Variants in RPS6KA2 observed in about 807,000 individuals in gnomAD.
RPS6KA2 encodes ribosomal protein S6 kinase A2.
In RPS6KA2, 42 loss-of-function variants were observed where a neutral mutation model predicts 91.8. The observed-to-expected ratio is 0.46, with a 90% confidence interval of 0.36 to 0.59. The LOEUF is 0.59. Among genes scored for constraint, RPS6KA2 ranks in the 20% least tolerant of loss-of-function variants. The pLI is 0.00. For synonymous variants in RPS6KA2, 414 were observed against 393.6 expected (o/e 1.05, Z -0.61); for missense variants, 798 against 978.5 (o/e 0.82, Z 2.46).
At chr6:166,641,038 T>C (rs574441937) in intron 2 of RPS6KA2, among the ~76,000 whole-genome samples, 9 of 152,296 alleles carry the variant, frequency 5.9e-5, no homozygotes, top group East Asian at 3.9e-4. Flanking sequence ...TCCAAACTTA[T>C]AGTTTTTAGA....
intron 2 of RPS6KA2, among the ~76,000 whole-genome samples, chr6:166,853,861 T>A (rs576709983): frequency 6.6e-6 from 1 of 152,188 alleles, no homozygotes; most frequent in Non-Finnish European, 1.5e-5. Context: ...TTTGCCTCAG[T>A]ACACATGGCC....
At chr6:166,846,561 A>G (rs1780610495) in intron 2 of RPS6KA2, among the ~76,000 whole-genome samples, 2 of 152,248 alleles carry the variant, frequency 1.3e-5, no homozygotes, top group African/African-American at 4.8e-5. Flanking sequence ...TAACATCCAC[A>G]AGTCAATAAA....
At chr6:166,619,101 T>C (rs1018154031) in intron 1 of RPS6KA2, among the ~76,000 whole-genome samples, 1 of 152,222 alleles carries the variant, frequency 6.6e-6, no homozygotes, top group African/African-American at 2.4e-5. Flanking sequence ...ATCGATGCCA[T>C]CAGCAAAGTT....
intron 2 of RPS6KA2, among the ~76,000 whole-genome samples, chr6:166,848,501 A>G (rs1390377499): frequency 6.6e-6 from 1 of 152,158 alleles, no homozygotes; most frequent in Non-Finnish European, 1.5e-5. Flanking sequence ...ATGTGGAACC[A>G]CCCCAAATGC....
At position 166,774,813 on chromosome 6, in the gene RPS6KA2, C is replaced by T. The variant is rs114026122; in HGVS notation, c.123+83387G>A. 4.0e-3 allele frequency among the ~76,000 whole-genome samples: 607 copies of T among 151,560 alleles called. 5 individuals are homozygous for T. The highest frequency in any genetic ancestry group is 0.014 in the African/African-American group (587 of 40,888). On this transcript the variant is annotated intron_variant, in intron 2 of 21. Transcript: ENST00000503859. ...CCCAGATTACAGCAGCATAAAGGAC[C>T]CCAAAACATCTCGCCCTTCTTTGAG...
In RPS6KA2 at chr6:166,639,380, T is replaced by C. The variant is rs140107032; in HGVS notation, c.124-100596A>G. ...GCCTTCTTTCCAACCCTGCCCTCCATAACACAGCGTGGGTCCTCCTTAGCT... is the reference window on the plus strand; with the variant it reads ...GCCTTCTTTCCAACCCTGCCCTCCACAACACAGCGTGGGTCCTCCTTAGCT... On this transcript the variant is annotated intron_variant, in intron 2 of 21. Coordinates refer to the RPS6KA2 transcript ENST00000503859. The surrounding 1 kb of genome is among the most constrained non-coding windows in gnomAD (Gnocchi z 4.2). 1.4e-3 allele frequency among the ~76,000 whole-genome samples: 207 copies of C among 152,272 alleles called. No homozygotes were observed. The highest frequency in any genetic ancestry group is 6.8e-3 in the Middle Eastern group (2 of 294).
intron 11 of RPS6KA2, among the ~76,000 whole-genome samples, chr6:166,462,429 G>A (rs1272540269): frequency 6.6e-6 from 1 of 152,182 alleles, no homozygotes; most frequent in Admixed American, 6.5e-5. Flanking sequence ...TCCAGAGGCT[G>A]TCACCTTCCT....
intron 10 of RPS6KA2, among the ~76,000 whole-genome samples, chr6:166,478,450 G>T (rs1309721667): frequency 6.6e-6 from 1 of 152,180 alleles, no homozygotes; most frequent in Non-Finnish European, 1.5e-5. Flanking sequence ...TCTTGCCAGG[G>T]TGGATTTCCC....
intron 2 of RPS6KA2, chr6:166,701,843 G>T: frequency 1.1e-6 from 1 of 896,272 alleles, no homozygotes; most frequent in Non-Finnish European, 1.8e-6. Context: ...ATTGCCTTTA[G>T]CTGTAATGGT....
At chr6:166,804,720 TACTC>T (rs1191588023) in intron 2 of RPS6KA2, among the ~76,000 whole-genome samples, 8 of 152,162 alleles carry the variant, frequency 5.3e-5, no homozygotes, top group Non-Finnish European at 8.8e-5. Context: ...ATATATTAAA[TACTC>T]AGTGCATTCA....
At chr6:166,451,960 C>T (rs1467885572) in intron 12 of RPS6KA2, among the ~76,000 whole-genome samples, 1 of 152,176 alleles carries the variant, frequency 6.6e-6, no homozygotes, top group Non-Finnish European at 1.5e-5. Flanking sequence ...AGAGGTTAAA[C>T]TCTCTATTGC....
At position 166,492,890 on chromosome 6, in the gene RPS6KA2, ATTTTTTTTT is replaced by A. The variant is rs71032807; in HGVS notation, c.748-2158_748-2150del. On this transcript the variant is annotated intron_variant, in intron 8 of 20. Transcript: ENST00000265678. Reference sequence around the variant, plus strand: ...GCCACCATGCCTGGCTAATTTTTGTATTTTTTTTTTTTTTTTTTTTTAGTAGAGACAGGG... The same window carrying A: ...GCCACCATGCCTGGCTAATTTTTGTATTTTTTTTTTTTAGTAGAGACAGGG... 8.7e-5 allele frequency among the ~76,000 whole-genome samples: 9 copies of A among 103,556 alleles called. No homozygotes were observed. The South Asian group carries it at 2.8e-3, about 32-fold the overall frequency. 67.9% of individuals were successfully genotyped at this position (103,556 alleles called of 152,430 possible).
chr6:166,641,719 C>CAAAAAAAAAAAAAAAAAAA lies in RPS6KA2; in HGVS notation c.124-102954_124-102936dup, dbSNP rs71032871. Among the ~76,000 whole-genome samples the CAAAAAAAAAAAAAAAAAAA allele has an allele frequency of 2.8e-4, 8 of 28,544 alleles. 1 individual carries two copies. Among genetic ancestry groups the CAAAAAAAAAAAAAAAAAAA allele is most frequent in the Non-Finnish European group, 3.9e-4 (5 of 12,972 alleles). The allele number at this position is 28,544 out of a possible 152,430, so 18.7% of individuals were successfully genotyped here. ...TGGGTAAAAGAGTGAGACTCTGTCACAAAAAAAAAAAAAAAAAAAAAAAAA... is the reference window on the plus strand; with the variant it reads ...TGGGTAAAAGAGTGAGACTCTGTCACAAAAAAAAAAAAAAAAAAAAAAAAAAAAAAAAAAAAAAAAAAAA... On this transcript the variant is annotated intron_variant, in intron 2 of 21. Coordinates refer to the RPS6KA2 transcript ENST00000503859.
chr6:166,585,974 G>T (rs1785156600), intron 1 of RPS6KA2: 1 of 447,526 alleles, frequency 2.2e-6, no homozygotes, highest in African/African-American at 8.3e-5. Flanking sequence ...TCGCAAGTAA[G>T]ATCTATTTTT....
intron 1 of RPS6KA2, among the ~76,000 whole-genome samples, chr6:166,582,193 G>A (rs1274849594): frequency 1.3e-5 from 2 of 151,960 alleles, no homozygotes; most frequent in African/African-American, 2.4e-5. Flanking sequence ...GAGGTGAGAT[G>A]GGGTGAGATG....
chr6:166,808,701 T>G (rs528455437), intron 2 of RPS6KA2, among the ~76,000 whole-genome samples: 6 of 152,240 alleles, frequency 3.9e-5, no homozygotes, highest in Non-Finnish European at 7.3e-5. Context: ...AAAGTTAAAG[T>G]ATTTAAGTAA....
chr6:166,472,172 A>C (rs748735461), intron 10 of RPS6KA2, among the ~76,000 whole-genome samples: 3 of 152,202 alleles, frequency 2.0e-5, no homozygotes, highest in African/African-American at 4.8e-5. Flanking sequence ...GCACTCTCAA[A>C]AGGCTGGAGA....
chr6:166,466,762 A>C (rs936780243), intron 11 of RPS6KA2, among the ~76,000 whole-genome samples: 1 of 152,138 alleles, frequency 6.6e-6, no homozygotes, highest in Non-Finnish European at 1.5e-5. Context: ...TCACTTATTC[A>C]CTGATTCACT....
At chr6:166,560,327 A>G (rs924610530) in intron 1 of RPS6KA2, among the ~76,000 whole-genome samples, 6 of 152,254 alleles carry the variant, frequency 3.9e-5, no homozygotes, top group African/African-American at 1.4e-4. Context: ...ACTAGTCTTC[A>G]TATTTCTTTT....
Sources: allele counts gnomAD v4.1 joint callset (sites outside exome capture counted in the v4.1 genomes callset), GRCh38; gene constraint gnomAD v4.1.1; non-coding constraint Gnocchi (gnomAD v3.1); transcripts MANE v1.5; gene names NCBI Gene and HGNC (gene_info 2026-07-23, HGNC 2026-07-21).